HS6ST3: variants seen among roughly 807,000 people sequenced by gnomAD.
The protein encoded by HS6ST3 is heparan-sulfate 6-O-sulfotransferase 3.
Under a neutral mutation model 36.7 loss-of-function variants are expected in HS6ST3, and 12 were observed. That is an observed-to-expected ratio of 0.33 (90% CI 0.21 to 0.53). The LOEUF (loss-of-function observed/expected upper bound fraction) is 0.53, where lower values mean the gene tolerates loss of function less well. HS6ST3 is among the 20% of genes least tolerant of loss of function. The pLI is 0.95. For missense variants in HS6ST3, 584 were observed against 640.9 expected (o/e 0.91, Z 0.96); for synonymous variants, 240 against 257.5 (o/e 0.93, Z 0.65).
intron 1 of HS6ST3, among the ~76,000 whole-genome samples, chr13:96,609,262 G>T (rs1219845434): frequency 6.6e-6 from 1 of 151,904 alleles, no homozygotes; most frequent in Non-Finnish European, 1.5e-5. Flanking sequence ...GAGCCACCAC[G>T]GCCGGCCTCT....
chr13:96,162,403 G>A (rs894779558), intron 1 of HS6ST3, among the ~76,000 whole-genome samples: 3 of 152,302 alleles, frequency 2.0e-5, no homozygotes, highest in South Asian at 2.1e-4. Flanking sequence ...ATAGGTAGGC[G>A]ACAGCGCCAC....
intron 1 of HS6ST3, among the ~76,000 whole-genome samples, chr13:96,154,315 G>C (rs1594696838): frequency 6.6e-6 from 1 of 152,040 alleles, no homozygotes. Context: ...TGGCTGGCAT[G>C]CTGTATTTAA....
intron 1 of HS6ST3, among the ~76,000 whole-genome samples, chr13:96,353,558 CT>C (rs545507512): frequency 0.022 from 3,194 of 145,648 alleles, 40 homozygotes; most frequent in East Asian, 0.059. Flanking sequence ...TGTTACCAAA[CT>C]TTTTTTTTTT....
At chr13:96,757,236 G>A (rs1443819445) in intron 1 of HS6ST3, among the ~76,000 whole-genome samples, 2 of 152,136 alleles carry the variant, frequency 1.3e-5, no homozygotes, top group Admixed American at 6.5e-5. Context: ...GTAATCAAGG[G>A]TGGCATCCCA....
intron 1 of HS6ST3, among the ~76,000 whole-genome samples, chr13:96,301,215 C>G (rs896358878): frequency 2.6e-5 from 4 of 152,168 alleles, no homozygotes; most frequent in Admixed American, 6.5e-5. Context: ...CTCCTATATA[C>G]AGTTAAACAA....
chr13:96,297,736 T>C lies in HS6ST3; in HGVS notation c.707+206167T>C, dbSNP rs186759725. On this transcript the variant is annotated intron_variant, in intron 1 of 1. Coordinates refer to ENST00000376705, the MANE Select transcript of HS6ST3 (RefSeq NM_153456.4). ...GTCCCAGATGAAGGCATTTGTGATT[T>C]CCCCAGTATGCAATGCCCATGTCCT... Among the ~76,000 whole-genome samples, 110 of 152,276 alleles carry C rather than the reference T, an allele frequency of 7.2e-4. 2 individuals carry two copies. The highest frequency in any genetic ancestry group is 2.5e-3 in the African/African-American group (105 of 41,558).
intron 1 of HS6ST3, among the ~76,000 whole-genome samples, chr13:96,139,657 TGAA>T (rs1195842818): frequency 1.3e-5 from 2 of 151,516 alleles, no homozygotes; most frequent in Admixed American, 1.3e-4. Context: ...CATGAAGAGA[TGAA>T]GAGTAATTTT....
At chr13:96,161,251 A>G (rs1227527631) in intron 1 of HS6ST3, among the ~76,000 whole-genome samples, 1 of 152,182 alleles carries the variant, frequency 6.6e-6, no homozygotes, top group Non-Finnish European at 1.5e-5. Flanking sequence ...ACTCACAGAG[A>G]TAGGAGACCT....
chr13:96,751,557 T>C (rs1426524004), intron 1 of HS6ST3, among the ~76,000 whole-genome samples: 2 of 152,120 alleles, frequency 1.3e-5, no homozygotes, highest in Admixed American at 6.6e-5. Context: ...AAGTTTGCAG[T>C]AATTTGTTAT....
chr13:96,783,804 C>T (rs1007855351), intron 1 of HS6ST3, among the ~76,000 whole-genome samples: 1 of 151,972 alleles, frequency 6.6e-6, no homozygotes, highest in African/African-American at 2.4e-5. Context: ...GATCTTGCAT[C>T]GTAAGATCAC....
chr13:96,369,419 G>C (rs1308050223), intron 1 of HS6ST3, among the ~76,000 whole-genome samples: 8 of 152,140 alleles, frequency 5.3e-5, no homozygotes, highest in Non-Finnish European at 1.2e-4. Flanking sequence ...AATTGCCTTA[G>C]GTATTCTTAA....
chr13:96,271,774 T>C (rs1209597886), intron 1 of HS6ST3, among the ~76,000 whole-genome samples: 1 of 152,006 alleles, frequency 6.6e-6, no homozygotes, highest in Admixed American at 6.6e-5. Flanking sequence ...ACTTCTGCTA[T>C]GAGTCTCCTT....
intron 1 of HS6ST3, among the ~76,000 whole-genome samples, chr13:96,420,254 G>T (rs1378178047): frequency 6.6e-6 from 1 of 152,038 alleles, no homozygotes. Context: ...GGGTTTATAT[G>T]AGGGGATTAC....
intron 1 of HS6ST3, among the ~76,000 whole-genome samples, chr13:96,452,789 T>A (rs947429067): frequency 4.6e-5 from 7 of 152,208 alleles, no homozygotes; most frequent in African/African-American, 1.7e-4. Flanking sequence ...CTATGTTTTT[T>A]AAGACATTCC....
At chr13:96,535,109 C>G (rs2056150063) in intron 1 of HS6ST3, among the ~76,000 whole-genome samples, 1 of 151,978 alleles carries the variant, frequency 6.6e-6, no homozygotes, top group African/African-American at 2.4e-5. Flanking sequence ...GGCAGAGAGT[C>G]CTGAATAATG....
At chr13:96,091,631 T>C in intron 1 of HS6ST3, 62 bp downstream of exon 1, 2 of 1,393,754 alleles carry the variant, frequency 1.4e-6, no homozygotes, top group Non-Finnish European at 1.9e-6. Flanking sequence ...TCCTCAGTCC[T>C]GACCCAGAGC....
intron 1 of HS6ST3, among the ~76,000 whole-genome samples, chr13:96,302,941 A>G (rs1052293171): frequency 6.6e-6 from 1 of 152,160 alleles, no homozygotes; most frequent in African/African-American, 2.4e-5. Flanking sequence ...TTGTAAATAT[A>G]GTTTCATTGG....
chr13:96,715,352 T>G (rs1040978941), intron 1 of HS6ST3, among the ~76,000 whole-genome samples: 3 of 152,124 alleles, frequency 2.0e-5, no homozygotes, highest in Non-Finnish European at 4.4e-5. Flanking sequence ...ATTAGAGAAG[T>G]ACATTTGGTT....
At chr13:96,534,236 G>C (rs1473021587) in intron 1 of HS6ST3, among the ~76,000 whole-genome samples, 1 of 152,174 alleles carries the variant, frequency 6.6e-6, no homozygotes, top group Non-Finnish European at 1.5e-5. Context: ...AAAGGAATGG[G>C]TGAGCAAATG....
Sources: gnomAD v4.1 joint callset for allele counts (sites outside exome capture counted in the v4.1 genomes callset) on GRCh38, gnomAD v4.1.1 for gene constraint, MANE v1.5 for transcripts, NCBI Gene and HGNC (gene_info 2026-07-23, HGNC 2026-07-21) for gene names.